Variants in MYO3B observed in about 807,000 individuals in gnomAD.
MYO3B encodes the protein myosin-IIIb.
MYO3B carries 156 observed loss-of-function variants against 174.6 expected under a neutral mutation model. That is an observed-to-expected ratio of 0.89 (90% confidence interval 0.78 to 1.02). The LOEUF (loss-of-function observed/expected upper bound fraction) is 1.02. MYO3B is among the 50% of genes least tolerant of loss of function. The probability of loss-of-function intolerance (pLI) is 0.00; values close to 1 mark genes in which losing one functional copy is unlikely to be tolerated. For missense variants in MYO3B, 1,632 were observed against 1,639.4 expected, an observed-to-expected ratio of 1.00 and a Z score of 0.08; for synonymous variants, 563 against 569.1, an observed-to-expected ratio of 0.99 and a Z score of 0.15.
At chr2:170,523,887 T>C (rs1216474279) in intron 30 of MYO3B, among the ~76,000 whole-genome samples, 2 of 151,982 alleles carry the variant, frequency 1.3e-5, no homozygotes, top group Admixed American at 1.3e-4. Flanking sequence ...GAATTTGCAG[T>C]GGTGGTTCTG....
intron 6 of MYO3B, among the ~76,000 whole-genome samples, chr2:170,226,318 T>C (rs950474189): frequency 3.9e-5 from 6 of 152,232 alleles, no homozygotes; most frequent in African/African-American, 1.4e-4. Context: ...TCTCTGAGAT[T>C]CCGTAACCTT....
chr2:170,468,369 T>G (rs1684771113), intron 25 of MYO3B, among the ~76,000 whole-genome samples: 2 of 152,224 alleles, frequency 1.3e-5, no homozygotes, highest in African/African-American at 4.8e-5. Flanking sequence ...ACTCATTTAA[T>G]GTGACTCTAC....
intron 32 of MYO3B, among the ~76,000 whole-genome samples, chr2:170,592,210 A>G (rs11900157): frequency 0.35 from 53,273 of 151,948 alleles, 11,020 homozygotes; most frequent in African/African-American, 0.57. Flanking sequence ...TGATAGAGGT[A>G]CTTTTTGAGG....
At chr2:170,338,931 G>A (rs1198238873) in intron 8 of MYO3B, among the ~76,000 whole-genome samples, 2 of 152,148 alleles carry the variant, frequency 1.3e-5, no homozygotes. Flanking sequence ...ATTCTGTAGA[G>A]GAGACTGCTG....
At chr2:170,265,867 G>T (rs974155456) in intron 7 of MYO3B, among the ~76,000 whole-genome samples, 3 of 152,050 alleles carry the variant, frequency 2.0e-5, no homozygotes, top group Non-Finnish European at 4.4e-5. Context: ...ACATGACAGA[G>T]GAATTTTGTA....
At chr2:170,634,265 C>G (rs1463536423) in intron 32 of MYO3B, among the ~76,000 whole-genome samples, 1 of 152,132 alleles carries the variant, frequency 6.6e-6, no homozygotes, top group African/African-American at 2.4e-5. Context: ...GGTACCAAAA[C>G]AGAGATATAG....
At chr2:170,260,295 C>G (rs1459610405) in intron 7 of MYO3B, among the ~76,000 whole-genome samples, 23 of 152,102 alleles carry the variant, frequency 1.5e-4, no homozygotes, top group Admixed American at 1.5e-3. Flanking sequence ...TTCACAATAG[C>G]AAAGACATAG....
chr2:170,365,890 G>T (rs1036668762), intron 8 of MYO3B, among the ~76,000 whole-genome samples: 9 of 152,152 alleles, frequency 5.9e-5, no homozygotes, highest in Admixed American at 3.9e-4. Flanking sequence ...TTCAGAGCGT[G>T]CCCAACCCAG....
chr2:170,371,327 T>G (rs1331620856), intron 9 of MYO3B, among the ~76,000 whole-genome samples: 1 of 150,750 alleles, frequency 6.6e-6, no homozygotes, highest in Non-Finnish European at 1.5e-5. Context: ...CTTTGTTAAC[T>G]CCTTTGATGT....
At chr2:170,559,981 T>A (rs997520586) in intron 32 of MYO3B, among the ~76,000 whole-genome samples, 1 of 152,180 alleles carries the variant, frequency 6.6e-6, no homozygotes, top group Admixed American at 6.5e-5. Context: ...TCAGGACTTA[T>A]CCAAAAATAA....
At chr2:170,409,695 G>A (rs1275151082) in intron 22 of MYO3B, among the ~76,000 whole-genome samples, 2 of 152,200 alleles carry the variant, frequency 1.3e-5, no homozygotes, top group Non-Finnish European at 2.9e-5. Context: ...TTTAGGCAAC[G>A]AGGGAAATAT....
intron 8 of MYO3B, among the ~76,000 whole-genome samples, chr2:170,341,647 C>CA (rs1214907318): frequency 6.6e-6 from 1 of 151,968 alleles, no homozygotes; most frequent in Non-Finnish European, 1.5e-5. Context: ...AAAATTAACA[C>CA]AAAAAATAAG....
chr2:170,311,011 C>A (rs1407666912), intron 7 of MYO3B, among the ~76,000 whole-genome samples: 12 of 152,028 alleles, frequency 7.9e-5, no homozygotes. Flanking sequence ...GGTTGCGGGG[C>A]CTTAGAATTT....
In MYO3B at chr2:170,543,876, C is replaced by T. The variant is rs371235956; in HGVS notation, c.3637-16C>T. Reference sequence around the variant, plus strand: ...GAGGATAAGAATAATATTTCTCTTACTGGGTTTTTCTGAAGCACTCGGTTT... The same window carrying T: ...GAGGATAAGAATAATATTTCTCTTATTGGGTTTTTCTGAAGCACTCGGTTT... On this transcript the variant is annotated splice_polypyrimidine_tract_variant and intron_variant, in intron 31 of 34. Transcript: ENST00000408978. 2.4e-5 allele frequency: 39 copies of T among 1,603,502 alleles called. No individual in the cohort carries two copies. The highest frequency in any genetic ancestry group is 3.3e-4 in the Middle Eastern group (2 of 6,054).
chr2:170,625,030 G>A (rs1249590918), intron 32 of MYO3B, among the ~76,000 whole-genome samples: 1 of 152,078 alleles, frequency 6.6e-6, no homozygotes, highest in African/African-American at 2.4e-5. Context: ...AAATTCTCTT[G>A]TTTTGTTGTG....
At position 170,341,708 on chromosome 2, in the gene MYO3B, T is replaced by G. The variant is rs115721586; in HGVS notation, c.815+6258T>G. On this transcript the variant is annotated intron_variant, in intron 8 of 34. Coordinates refer to ENST00000408978, the MANE Select transcript of MYO3B (RefSeq NM_138995.5). ...CTCACTTAACATACATTGATCAATA[T>G]ACTTATAAATGCAACTCAAATCCTT... Among the ~76,000 whole-genome samples, 990 of 152,272 alleles carry G rather than the reference T, an allele frequency of 6.5e-3. 6 individuals are homozygous for G. Among genetic ancestry groups the G allele is most frequent in the African/African-American group, 0.023 (953 of 41,550 alleles).
intron 1 of MYO3B, chr2:170,180,166 C>T (rs1251277474): frequency 2.0e-5 from 9 of 447,598 alleles, no homozygotes; most frequent in Non-Finnish European, 3.6e-5. Context: ...CTGCAGAGTG[C>T]TTTACTTTCA....
intron 30 of MYO3B, among the ~76,000 whole-genome samples, chr2:170,525,876 G>A (rs575862901): frequency 1.8e-4 from 28 of 152,190 alleles, no homozygotes; most frequent in African/African-American, 3.4e-4. Flanking sequence ...GAGGGGTCAC[G>A]GCAGAAATAC....
At chr2:170,643,051 A>G (rs890116944) in intron 32 of MYO3B, among the ~76,000 whole-genome samples, 2 of 151,896 alleles carry the variant, frequency 1.3e-5, no homozygotes, top group African/African-American at 4.8e-5. Flanking sequence ...AAAAAAATCC[A>G]TGTCCAGGCT....
Sources: allele counts gnomAD v4.1 joint callset (sites outside exome capture counted in the v4.1 genomes callset), GRCh38; gene constraint gnomAD v4.1.1; transcripts MANE v1.5; gene names NCBI Gene and HGNC (gene_info 2026-07-23, HGNC 2026-07-21).